The following DLC1 variants were observed in gnomAD, a reference collection of about 807,000 sequenced individuals.
DLC1 encodes the protein DLC1 Rho GTPase activating protein, also known as rho GTPase-activating protein 7.
DLC1 carries 54 observed loss-of-function variants against 140.3 expected under a neutral mutation model. That is an observed-to-expected ratio of 0.38 (90% CI 0.31 to 0.48). The LOEUF (loss-of-function observed/expected upper bound fraction) is 0.48. DLC1 is among the 20% of genes least tolerant of loss of function. DLC1 has a pLI of 0.96. For synonymous variants in DLC1, 986 were observed against 728.1 expected (o/e 1.35, Z -5.70); for missense variants, 2,536 against 1,907.0 (o/e 1.33, Z -6.14).
At chr8:13,273,575 T>A (rs1218041832) in intron 5 of DLC1, among the ~76,000 whole-genome samples, 1 of 152,278 alleles carries the variant, frequency 6.6e-6, no homozygotes, top group African/African-American at 2.4e-5. Flanking sequence ...AGGCTGCAGA[T>A]GCTTAAAAAT....
intron 1 of DLC1, among the ~76,000 whole-genome samples, chr8:13,523,838 G>A (rs1338180544): frequency 6.6e-6 from 1 of 151,812 alleles, no homozygotes; most frequent in Non-Finnish European, 1.5e-5. Context: ...CAGTATATTT[G>A]CAAAATTTTG....
At chr8:13,447,466 T>C (rs2116951281) in intron 2 of DLC1, among the ~76,000 whole-genome samples, 1 of 152,316 alleles carries the variant, frequency 6.6e-6, no homozygotes, top group East Asian at 1.9e-4. Flanking sequence ...ATTTTATTGT[T>C]ATTAACCAGA....
chr8:13,582,918 A>ATATG (rs1563456682), intron 1 of DLC1, among the ~76,000 whole-genome samples: 3 of 127,996 alleles, frequency 2.3e-5, no homozygotes, highest in Admixed American at 8.1e-5. Flanking sequence ...ATATATATAT[A>ATATG]TGTGGTGTAA....
intron 1 of DLC1, 102 bp from the exon 2 acceptor site, chr8:13,500,298 G>T: frequency 2.4e-6 from 1 of 424,618 alleles, no homozygotes; most frequent in Non-Finnish European, 4.2e-6. Context: ...AAAGTTAAGA[G>T]ATTTTATAAA....
At chr8:13,197,647 A>T (rs912477562) in intron 5 of DLC1, among the ~76,000 whole-genome samples, 2 of 151,922 alleles carry the variant, frequency 1.3e-5, no homozygotes, top group Non-Finnish European at 2.9e-5. Context: ...TGCCAGGCCG[A>T]TTTATTTTTT....
At chr8:13,170,201 A>C (rs1163735027) in intron 5 of DLC1, among the ~76,000 whole-genome samples, 1 of 152,196 alleles carries the variant, frequency 6.6e-6, no homozygotes, top group Non-Finnish European at 1.5e-5. Context: ...AATTCTTTAG[A>C]GATGGAGATG....
At chr8:13,122,276 C>G (rs977617180) in intron 5 of DLC1, among the ~76,000 whole-genome samples, 1 of 152,202 alleles carries the variant, frequency 6.6e-6, no homozygotes, top group Non-Finnish European at 1.5e-5. Context: ...CCACTCAACT[C>G]TTGGAAGGCC....
In DLC1 at chr8:13,496,653, C is replaced by T. The variant is rs1195496254; in HGVS notation, c.1023+2396G>A. Among the ~76,000 whole-genome samples the T allele has an allele frequency of 2.6e-5, 4 of 152,002 alleles. No homozygotes were observed. The South Asian group carries it at 8.3e-4, about 32-fold the overall frequency. On this transcript the variant is annotated intron_variant, in intron 2 of 17. Coordinates refer to ENST00000276297, the MANE Select transcript of DLC1 (RefSeq NM_182643.3). ...TTGGCTGTCTATACATATTGGTCTG[C>T]TACTGTTGTTTTTCAGTACTATATT...
intron 5 of DLC1, among the ~76,000 whole-genome samples, chr8:13,173,950 G>A (rs1336472449): frequency 6.6e-6 from 1 of 152,016 alleles, no homozygotes; most frequent in Non-Finnish European, 1.5e-5. Context: ...GGGTATGAAC[G>A]ATCTCATCAC....
intron 5 of DLC1, among the ~76,000 whole-genome samples, chr8:13,164,201 G>T (rs1380452223): frequency 6.6e-6 from 1 of 152,082 alleles, no homozygotes; most frequent in Non-Finnish European, 1.5e-5. Context: ...GGAGGCAGAG[G>T]CAGGATAATC....
intron 5 of DLC1, among the ~76,000 whole-genome samples, chr8:13,212,113 T>C (rs11984957): frequency 0.027 from 4,078 of 152,262 alleles, 192 homozygotes; most frequent in African/African-American, 0.092. Context: ...TATGTAAACA[T>C]TCCGTAGAGA....
At chr8:13,211,895 A>AT (rs1563168065) in intron 5 of DLC1, among the ~76,000 whole-genome samples, 1 of 152,176 alleles carries the variant, frequency 6.6e-6, no homozygotes. Flanking sequence ...ATAACTGTGT[A>AT]TTGTATATGT....
intron 2 of DLC1, among the ~76,000 whole-genome samples, chr8:13,464,750 ATATATATATATATATT>A (rs770507021): frequency 0.031 from 1,882 of 60,684 alleles, 24 homozygotes; most frequent in South Asian, 0.082. Flanking sequence ...TTTAAATTAT[ATATATATATATATATT>A]TATATATATA....
intron 1 of DLC1, among the ~76,000 whole-genome samples, chr8:13,599,955 G>A (rs78456970): frequency 0.015 from 2,355 of 151,954 alleles, 72 homozygotes; most frequent in African/African-American, 0.054. Flanking sequence ...TATCATTCAG[G>A]TTTAGCATCT....
chr8:13,106,272 C>G (rs1264891360), intron 7 of DLC1, among the ~76,000 whole-genome samples: 1 of 152,220 alleles, frequency 6.6e-6, no homozygotes, highest in East Asian at 1.9e-4. Context: ...CCAAGTAAGA[C>G]TCTCACAAAT....
At chr8:13,506,578 T>TGC (rs61062364) in intron 1 of DLC1, among the ~76,000 whole-genome samples, 1 of 14,000 alleles carries the variant, frequency 7.1e-5, no homozygotes, top group Non-Finnish European at 8.0e-4. Context: ...TGTGTGTGTG[T>TGC]GTGTATATAT....
intron 4 of DLC1, among the ~76,000 whole-genome samples, chr8:13,333,218 G>C (rs1459728015): frequency 6.6e-6 from 1 of 151,870 alleles, no homozygotes; most frequent in Non-Finnish European, 1.5e-5. Flanking sequence ...AATAAAAATT[G>C]TCATCCTTTC....
intron 3 of DLC1, 86 bp downstream of exon 3, chr8:13,401,384 C>T (rs762784734): frequency 3.3e-6 from 5 of 1,513,234 alleles, no homozygotes; most frequent in South Asian, 1.3e-5. Context: ...ATGCCATTAA[C>T]AAGGATGTTG....
At chr8:13,458,841 A>AG (rs1015180031) in intron 2 of DLC1, among the ~76,000 whole-genome samples, 3 of 151,804 alleles carry the variant, frequency 2.0e-5, no homozygotes, top group Non-Finnish European at 4.4e-5. Flanking sequence ...AAAAAAAAAA[A>AG]GATGCGCTTA....
Sources: allele counts gnomAD v4.1 joint callset (sites outside exome capture counted in the v4.1 genomes callset), GRCh38; gene constraint gnomAD v4.1.1; transcripts MANE v1.5; gene names NCBI Gene and HGNC (gene_info 2026-07-23, HGNC 2026-07-21).